Variants in SLC7A6 observed in about 807,000 individuals in gnomAD.
SLC7A6 encodes solute carrier family 7 member 6, also known as Y+L amino acid transporter 2.
A neutral mutation model predicts 46.6 loss-of-function variants in SLC7A6; 29 were observed. The observed-to-expected ratio is 0.62, with a 90% confidence interval of 0.46 to 0.85. The LOEUF (loss-of-function observed/expected upper bound fraction) is 0.85. Ranked by LOEUF, SLC7A6 falls within the 40% of genes least tolerant of loss-of-function variation. SLC7A6 has a pLI of 0.00. For synonymous variants in SLC7A6, 276 were observed against 257.3 expected, an observed-to-expected ratio of 1.07 and a Z score of -0.70; for missense variants, 527 against 647.6, an observed-to-expected ratio of 0.81 and a Z score of 2.02.
At position 68,294,707 on chromosome 16, in the gene SLC7A6, TG is replaced by T. The variant is rs1421717004; in HGVS notation, c.1026del (p.Leu342PhefsTer17). 2 of 1,610,510 alleles carry T rather than the reference TG, an allele frequency of 1.2e-6. No individual in the cohort carries two copies. Among genetic ancestry groups the T allele is most frequent in the Non-Finnish European group, 1.7e-6 (2 of 1,176,830 alleles). The stretch of plus-strand genomic sequence containing the variant: ...TGACACATTTCTCATCCTTCTAGGT[TG>T]TTCTTCGTGGGCTCCCGGGAGGGCC... ...LNASIFASSR[L>X]FFVGSREGHL... On this transcript the variant is annotated frameshift_variant, in exon 8 of 11. Transcript: ENST00000219343. LOFTEE classifies it high-confidence loss of function.
intron 2 of SLC7A6, among the ~76,000 whole-genome samples, chr16:68,271,647 G>A (rs541510568): frequency 7.7e-4 from 117 of 152,300 alleles, no homozygotes; most frequent in African/African-American, 2.7e-3. Flanking sequence ...GGATGGCCCT[G>A]GGGTTGTATG....
chr16:68,290,406 G>A lies in SLC7A6; in HGVS notation c.660G>A (p.Glu220=). Residue 220 remains glutamate (E), a synonymous_variant, in exon 5 of 11, where the codon GAG becomes GAA. Transcript: ENST00000219343. ...CCTTTGCCCCCACAGGACACTCTGA[G>A]CACTTTCAGGACGCCTTTGAGGGTT... ...GLVKLCQGHS[E]HFQDAFEGSS... is the part of the protein sequence containing the mutation. The A allele has an allele frequency of 1.2e-6, 2 of 1,614,010 alleles. No homozygotes were observed. The highest frequency in any genetic ancestry group is 2.2e-5 in the East Asian group (1 of 44,876).
intron 4 of SLC7A6, 194 bp from the exon 5 acceptor site, chr16:68,290,197 GTTAAA>G (rs2037098772): frequency 1.7e-6 from 1 of 581,116 alleles, no homozygotes; most frequent in Non-Finnish European, 3.0e-6. Context: ...ATCTTTTGGT[GTTAAA>G]TTATGTTTTT....
chr16:68,281,564 CA>C (rs2042830237), intron 3 of SLC7A6, among the ~76,000 whole-genome samples: 1 of 152,164 alleles, frequency 6.6e-6, no homozygotes. Flanking sequence ...GAGGCAGGGC[CA>C]CAGGCTGCTG....
intron 3 of SLC7A6, among the ~76,000 whole-genome samples, chr16:68,277,914 C>G (rs2042743627): frequency 6.8e-6 from 1 of 147,694 alleles, no homozygotes; most frequent in Non-Finnish European, 1.5e-5. Context: ...GTGTGAGCCC[C>G]CATGCCTGGC....
rs893518094 is a variant in SLC7A6 at position 68,291,220 on chromosome 16, T to C, written c.806T>C (p.Leu269Ser). The part of the protein sequence containing the change: ...EIKNPERNLP[L>S]AIGISMPIVT... ...ACTTGTCCTGACAGAAATTTGCCCT[T>C]GGCCATTGGGATTTCTATGCCAATT... Residue 269 changes from leucine (L) to serine (S), a missense_variant, in exon 6 of 11, where the codon TTG (leucine) becomes TCG (serine). By Grantham distance (145) the Leu-to-Ser change is moderately radical. Coordinates refer to ENST00000219343, the MANE Select transcript of SLC7A6 (RefSeq NM_003983.6). 1.2e-6 allele frequency: 2 copies of C among 1,614,258 alleles called. No homozygotes were observed. The highest frequency in any genetic ancestry group is 1.3e-5 in the African/African-American group (1 of 75,068).
At chr16:68,282,657 G>A (rs1478112985) in intron 3 of SLC7A6, among the ~76,000 whole-genome samples, 1 of 149,420 alleles carries the variant, frequency 6.7e-6, no homozygotes, top group Non-Finnish European at 1.5e-5. Flanking sequence ...TCACTCTGTT[G>A]CCCAGGCTGG....
chr16:68,267,899 A>C (rs1396837854), intron 2 of SLC7A6, among the ~76,000 whole-genome samples: 1 of 152,168 alleles, frequency 6.6e-6, no homozygotes. Context: ...ATGCCTATGT[A>C]ATGAAGCCTC....
intron 3 of SLC7A6, among the ~76,000 whole-genome samples, chr16:68,281,013 G>C (rs951814907): frequency 2.0e-5 from 3 of 152,132 alleles, no homozygotes; most frequent in East Asian, 1.9e-4. Context: ...GATTACAGGC[G>C]TGACCCACGG....
In SLC7A6 at chr16:68,301,506, A is replaced by ATTT. The variant is rs2043275434; in HGVS notation, c.*4178_*4179insTTT. On this transcript the variant is annotated 3_prime_UTR_variant, in exon 11 of 11. Transcript: ENST00000219343. Reference sequence around the variant, plus strand: ...AAGGTCTGTTTTTGTTCCCGATTGTAATGCAAAATCCTTGCTCAATAAATA... The same window carrying ATTT: ...AAGGTCTGTTTTTGTTCCCGATTGTATTTATGCAAAATCCTTGCTCAATAAATA... 1 of 939,500 alleles carries ATTT rather than the reference A, an allele frequency of 1.1e-6. No homozygotes were observed. Among genetic ancestry groups the ATTT allele is most frequent in the Non-Finnish European group, 1.6e-6 (1 of 637,204 alleles). 58.2% of individuals were successfully genotyped at this position (939,500 alleles called of 1,614,324 possible). A position where few individuals can be genotyped will look rare whatever the true frequency, so the allele number is the denominator to read the frequency against.
In SLC7A6 at chr16:68,299,408, G is replaced by C. The variant is rs573615088; in HGVS notation, c.*2080G>C. 6.6e-6 allele frequency: 1 copy of C among 152,538 alleles called. No homozygotes were observed. Among genetic ancestry groups the C allele is most frequent in the Non-Finnish European group, 1.5e-5 (1 of 68,042 alleles). 9.4% of individuals were successfully genotyped at this position (152,538 alleles called of 1,614,324 possible). ...GTCATCCTCCTTTCATTTTTGGATG[G>C]TGACAGCATTTTTCCCCTCTGTGCT... is the stretch of plus-strand genomic sequence containing the variant. On this transcript the variant is annotated 3_prime_UTR_variant, in exon 11 of 11. Coordinates refer to ENST00000219343, the MANE Select transcript of SLC7A6 (RefSeq NM_003983.6).
Position 68,297,506 on chromosome 16 carries a change from C to A in SLC7A6, c.*178C>A. 36 of 351,702 alleles carry A rather than the reference C, an allele frequency of 1.0e-4. No individual in the cohort carries two copies. The highest frequency in any genetic ancestry group is 5.0e-4 in the South Asian group (7 of 13,952). The allele number at this position is 351,702 out of a possible 1,614,324, so 21.8% of individuals were successfully genotyped here. On this transcript the variant is annotated 3_prime_UTR_variant, in exon 11 of 11. Coordinates refer to ENST00000219343, the MANE Select transcript of SLC7A6 (RefSeq NM_003983.6). The stretch of plus-strand genomic sequence containing the variant: ...GCTATAGGAGACTCAGGATCTGGGC[C>A]AACCTCAAGGTGGGGGCTTCAGAGG...
chr16:68,287,220 C>A, intron 3 of SLC7A6: 1 of 802,304 alleles, frequency 1.2e-6, no homozygotes, highest in Non-Finnish European at 1.7e-6. Flanking sequence ...TCACATGATC[C>A]ATCTGCCTCA....
Position 68,297,452 on chromosome 16 carries a change from T to C in SLC7A6, c.*124T>C. ...TTTTGACCCAATCATATAGTGGGGC[T>C]CAGGGCCAGTGCTCACTCTTATTGG... On this transcript the variant is annotated 3_prime_UTR_variant, in exon 11 of 11. Transcript: ENST00000219343. The C allele has an allele frequency of 1.5e-6, 1 of 688,020 alleles. No individual in the cohort carries two copies. Among genetic ancestry groups the C allele is most frequent in the Non-Finnish European group, 2.4e-6 (1 of 420,676 alleles). 42.6% of individuals were successfully genotyped at this position (688,020 alleles called of 1,614,324 possible).
At chr16:68,273,834 G>C (rs978089448) in intron 2 of SLC7A6, 5 of 147,850 alleles carry the variant, frequency 3.4e-5, no homozygotes, top group African/African-American at 1.3e-4. Flanking sequence ...GCGTGATCTT[G>C]GCTCACTGCA....
chr16:68,296,575 C>A (rs1010197228), intron 9 of SLC7A6, 52 bp from the exon 10 acceptor site: 53 of 1,613,418 alleles, frequency 3.3e-5, no homozygotes, highest in Non-Finnish European at 4.4e-5. Flanking sequence ...TTCTTGCCCA[C>A]GAGCTGTTTC....
chr16:68,292,290 G>A (rs1398108154), intron 7 of SLC7A6: 1 of 152,252 alleles, frequency 6.6e-6, no homozygotes, highest in Non-Finnish European at 1.5e-5. Context: ...GGTCCTTCCT[G>A]TTGTTGAAGA....
At chr16:68,282,934 G>C (rs555667330) in intron 3 of SLC7A6, among the ~76,000 whole-genome samples, 6 of 152,076 alleles carry the variant, frequency 3.9e-5, no homozygotes, top group South Asian at 2.1e-4. Context: ...CCACATTTTT[G>C]TTGTTATTTT....
chr16:68,267,133 C>A (rs2042546855), intron 2 of SLC7A6, among the ~76,000 whole-genome samples: 1 of 150,832 alleles, frequency 6.6e-6, no homozygotes, highest in African/African-American at 2.4e-5. Context: ...CGGGGCTTTA[C>A]CATGTTGGCC....
Sources: allele counts gnomAD v4.1 joint callset (sites outside exome capture counted in the v4.1 genomes callset), GRCh38; gene constraint gnomAD v4.1.1; transcripts MANE v1.5; gene names NCBI Gene and HGNC (gene_info 2026-07-23, HGNC 2026-07-21).